The following NNMT variants were observed in gnomAD, a reference collection of about 807,000 sequenced individuals.
NNMT encodes nicotinamide N-methyltransferase.
A neutral mutation model predicts 11.7 loss-of-function variants in NNMT; 10 were observed. That is an observed-to-expected ratio of 0.85 (90% CI 0.53 to 1.45). The LOEUF (loss-of-function observed/expected upper bound fraction) is 1.45. Among genes scored for constraint, NNMT ranks in the 40% most tolerant of loss-of-function variants. The pLI is 0.00. For missense variants in NNMT, 381 were observed against 319.4 expected, an observed-to-expected ratio of 1.19 and a Z score of -1.47; for synonymous variants, 143 against 133.8, an observed-to-expected ratio of 1.07 and a Z score of -0.48.
At chr11:114,303,718 G>A (rs1358461693) in intron 2 of NNMT, among the ~76,000 whole-genome samples, 1 of 152,164 alleles carries the variant, frequency 6.6e-6, no homozygotes, top group African/African-American at 2.4e-5. Flanking sequence ...AGTTGAGAGA[G>A]GCTATTCTAT....
intron 2 of NNMT, among the ~76,000 whole-genome samples, chr11:114,309,846 T>A (rs907896832): frequency 2.0e-5 from 3 of 152,240 alleles, no homozygotes; most frequent in Non-Finnish European, 4.4e-5. Context: ...GCTTTGCCTT[T>A]TCTGGACATT....
At chr11:114,271,714 A>G (rs1276716365) in intron 2 of NNMT, among the ~76,000 whole-genome samples, 4 of 152,190 alleles carry the variant, frequency 2.6e-5, no homozygotes, top group African/African-American at 7.2e-5. Flanking sequence ...GTGGTCTGGG[A>G]CAGAAACCAG....
intron 2 of NNMT, among the ~76,000 whole-genome samples, chr11:114,281,510 G>A (rs1357937482): frequency 6.6e-6 from 1 of 152,168 alleles, no homozygotes; most frequent in African/African-American, 2.4e-5. Context: ...GACTATTAAA[G>A]ATAAAAGAAT....
At chr11:114,268,481 C>G (rs1327949185) in intron 2 of NNMT, among the ~76,000 whole-genome samples, 1 of 152,064 alleles carries the variant, frequency 6.6e-6, no homozygotes, top group Non-Finnish European at 1.5e-5. Flanking sequence ...TAAAAATATA[C>G]TACAACAGAC....
In NNMT at chr11:114,312,488, C is replaced by T. The variant is rs2135288242; in HGVS notation, c.*11C>T. On this transcript the variant is annotated 3_prime_UTR_variant, in exon 3 of 3. Transcript: ENST00000299964. Reference sequence around the variant, plus strand: ...AGCAGACCCCTGTGATGCCTGTGACCTCAATTAAAGCAATTCCTTTGACCT... The same window carrying T: ...AGCAGACCCCTGTGATGCCTGTGACTTCAATTAAAGCAATTCCTTTGACCT... 1 of 1,607,834 alleles carries T rather than the reference C, an allele frequency of 6.2e-7. No individual in the cohort carries two copies. The highest frequency in any genetic ancestry group is 8.5e-7 in the Non-Finnish European group (1 of 1,176,454).
intron 2 of NNMT, chr11:114,263,076 C>T (rs1945095911): frequency 2.6e-5 from 4 of 152,212 alleles, no homozygotes; most frequent in Admixed American, 2.0e-4. Flanking sequence ...ATTACCATTC[C>T]TCCTTCACCC....
intron 2 of NNMT, among the ~76,000 whole-genome samples, chr11:114,308,486 C>T (rs759024280): frequency 1.3e-5 from 2 of 152,140 alleles, no homozygotes; most frequent in Admixed American, 6.5e-5. Flanking sequence ...GGGTTCTTCC[C>T]GGGGCCCTCC....
intron 2 of NNMT, among the ~76,000 whole-genome samples, chr11:114,281,293 G>A (rs976658010): frequency 2.0e-5 from 3 of 152,180 alleles, no homozygotes; most frequent in African/African-American, 7.2e-5. Flanking sequence ...CCATGCAAGT[G>A]GGAGGAATAC....
At chr11:114,268,661 C>G (rs760585475) in intron 2 of NNMT, among the ~76,000 whole-genome samples, 62 of 147,964 alleles carry the variant, frequency 4.2e-4, no homozygotes, top group Non-Finnish European at 1.8e-4. Context: ...CCCAGCTACT[C>G]GGGAGGCTGA....
intron 2 of NNMT, among the ~76,000 whole-genome samples, chr11:114,269,062 A>G (rs1432787946): frequency 6.6e-6 from 1 of 152,220 alleles, no homozygotes; most frequent in Non-Finnish European, 1.5e-5. Flanking sequence ...ACATTTTAAA[A>G]AAAAAAGCTG....
At chr11:114,278,611 CAT>C (rs1491415132) in intron 2 of NNMT, among the ~76,000 whole-genome samples, 9 of 128,594 alleles carry the variant, frequency 7.0e-5, no homozygotes, top group South Asian at 2.7e-4. Flanking sequence ...ACCTAATACT[CAT>C]GTGTGTGTGT....
chr11:114,278,471 G>C (rs1945232116), intron 2 of NNMT, among the ~76,000 whole-genome samples: 1 of 152,076 alleles, frequency 6.6e-6, no homozygotes, highest in South Asian at 2.1e-4. Context: ...TTTGTACTTA[G>C]GTACAAAGGT....
At chr11:114,282,033 C>G (rs967723112) in intron 2 of NNMT, among the ~76,000 whole-genome samples, 6 of 151,258 alleles carry the variant, frequency 4.0e-5, no homozygotes, top group Non-Finnish European at 7.4e-5. Context: ...TAAACCCCAG[C>G]CTGGGCAATG....
intron 2 of NNMT, among the ~76,000 whole-genome samples, chr11:114,280,988 A>G (rs1412493278): frequency 6.6e-6 from 1 of 152,158 alleles, no homozygotes; most frequent in Non-Finnish European, 1.5e-5. Context: ...CATGTATTCT[A>G]CATGTTGCCT....
intron 2 of NNMT, among the ~76,000 whole-genome samples, chr11:114,286,367 T>G (rs940147232): frequency 6.6e-6 from 1 of 152,228 alleles, no homozygotes; most frequent in Non-Finnish European, 1.5e-5. Context: ...GCAGGATTTT[T>G]GAAGCACCCT....
At chr11:114,295,419 CTTTTTTT>C (rs35621813), upstream of NNMT, among the ~76,000 whole-genome samples, 8 of 85,048 alleles carry the variant, frequency 9.4e-5, no homozygotes, top group South Asian at 4.7e-4. Flanking sequence ...TTAAAGAATT[CTTTTTTT>C]TTTTTTTTTT....
chr11:114,277,975 G>A (rs185608874), intron 2 of NNMT, among the ~76,000 whole-genome samples: 14 of 152,220 alleles, frequency 9.2e-5, no homozygotes, highest in Non-Finnish European at 1.8e-4. Context: ...TTCTGACATC[G>A]GTAGTTTTTA....
intron 2 of NNMT, among the ~76,000 whole-genome samples, chr11:114,273,979 A>T (rs770479186): frequency 6.6e-6 from 1 of 152,186 alleles, no homozygotes; most frequent in South Asian, 2.1e-4. Flanking sequence ...ACAGTGGTCA[A>T]TTGGCAGTTG....
intron 1 of NNMT, among the ~76,000 whole-genome samples, chr11:114,261,992 G>C (rs1009305353): frequency 6.6e-6 from 1 of 152,074 alleles, no homozygotes; most frequent in African/African-American, 2.4e-5. Context: ...GGCCTCGAAG[G>C]GTTTGCAGAA....
Sources: gnomAD v4.1 joint callset for allele counts (sites outside exome capture counted in the v4.1 genomes callset) on GRCh38, gnomAD v4.1.1 for gene constraint, MANE v1.5 for transcripts, NCBI Gene and HGNC (gene_info 2026-07-23, HGNC 2026-07-21) for gene names.